The following GSG1L variants were observed in gnomAD, a reference collection of about 807,000 sequenced individuals.
The protein encoded by GSG1L is germ cell-specific gene 1-like protein.
A neutral mutation model predicts 42.1 loss-of-function variants in GSG1L; 24 were observed. The ratio of observed to expected loss-of-function variants is 0.57; its 90% CI spans 0.41 to 0.80. The LOEUF (loss-of-function observed/expected upper bound fraction) is 0.80. Ranked by LOEUF, GSG1L falls within the 30% of genes least tolerant of loss-of-function variation. GSG1L has a pLI of 0.00. For synonymous variants in GSG1L, 215 were observed against 203.5 expected (o/e 1.06, Z -0.48); for missense variants, 445 against 472.2 (o/e 0.94, Z 0.53).
At chr16:27,848,819 G>A (rs1302010226) in intron 3 of GSG1L, among the ~76,000 whole-genome samples, 1 of 152,032 alleles carries the variant, frequency 6.6e-6, no homozygotes. Flanking sequence ...AGAAGACTGG[G>A]GAAGAGCATT....
chr16:27,920,580 T>C (rs2084512599), intron 2 of GSG1L, among the ~76,000 whole-genome samples: 1 of 152,204 alleles, frequency 6.6e-6, no homozygotes, highest in African/African-American at 2.4e-5. Flanking sequence ...CATGTTTTGC[T>C]CAGGAAAATG....
chr16:27,981,749 C>T (rs1226266027), intron 1 of GSG1L, among the ~76,000 whole-genome samples: 3 of 152,260 alleles, frequency 2.0e-5, no homozygotes, highest in Admixed American at 6.5e-5. Flanking sequence ...TCCAGACATA[C>T]GTTGCTTGGG....
chr16:27,954,380 C>T (rs2084983652), intron 2 of GSG1L, among the ~76,000 whole-genome samples: 4 of 152,166 alleles, frequency 2.6e-5, no homozygotes, highest in South Asian at 2.1e-4. Context: ...GTTGACTACC[C>T]GCATGGAGGA....
intron 2 of GSG1L, among the ~76,000 whole-genome samples, chr16:27,950,805 G>A (rs1001536848): frequency 1.3e-5 from 2 of 152,120 alleles, no homozygotes; most frequent in African/African-American, 4.8e-5. Flanking sequence ...TGCACAGGCT[G>A]TTCATTCTAC....
intron 1 of GSG1L, among the ~76,000 whole-genome samples, chr16:28,037,700 A>G (rs2086056831): frequency 6.6e-6 from 1 of 152,260 alleles, no homozygotes; most frequent in South Asian, 2.1e-4. Flanking sequence ...TATCTTTACT[A>G]TGAGCCAATC....
At chr16:27,952,795 C>T (rs1033622148) in intron 2 of GSG1L, among the ~76,000 whole-genome samples, 6 of 152,222 alleles carry the variant, frequency 3.9e-5, no homozygotes, top group African/African-American at 1.4e-4. Context: ...ACAACACGCA[C>T]ACAGAAAACT....
At chr16:27,891,852 T>C (rs1228863952) in intron 2 of GSG1L, among the ~76,000 whole-genome samples, 2 of 151,510 alleles carry the variant, frequency 1.3e-5, no homozygotes, top group Admixed American at 6.6e-5. Context: ...TTTGGGGGAT[T>C]CTGTTTTCTG....
rs576863137 is a variant in GSG1L, at chr16:27,946,691, A to T, written c.397+16465T>A. Among the ~76,000 whole-genome samples the T allele has an allele frequency of 3.2e-4, 47 of 144,846 alleles. 1 individual carries two copies. The highest frequency in any genetic ancestry group is 4.8e-4 in the African/African-American group (19 of 39,328). On this transcript the variant is annotated intron_variant, in intron 2 of 6. Transcript: ENST00000447459. Reference sequence around the variant, plus strand: ...AAGAAAGAAAGAAAGAAAGAAAGAAAGAATTAAATGAAGCAAGGGGTATGA... The same window carrying T: ...AAGAAAGAAAGAAAGAAAGAAAGAATGAATTAAATGAAGCAAGGGGTATGA...
At chr16:27,890,130 TG>T (rs2084108054) in intron 2 of GSG1L, among the ~76,000 whole-genome samples, 1 of 152,128 alleles carries the variant, frequency 6.6e-6, no homozygotes. Flanking sequence ...GGTCTGGCTG[TG>T]GGGCGTAGGA....
chr16:27,798,427 A>G (rs1381373765), intron 6 of GSG1L, among the ~76,000 whole-genome samples: 1 of 152,170 alleles, frequency 6.6e-6, no homozygotes, highest in Admixed American at 6.5e-5. Flanking sequence ...TTCATGCAGA[A>G]AGAACAGGGT....
chr16:27,994,856 C>T (rs2085497389), intron 1 of GSG1L, among the ~76,000 whole-genome samples: 1 of 152,200 alleles, frequency 6.6e-6, no homozygotes, highest in South Asian at 2.1e-4. Flanking sequence ...GAGCACCATT[C>T]ACATTGTGGT....
chr16:27,979,078 G>T (rs12444844), intron 1 of GSG1L, among the ~76,000 whole-genome samples: 31,038 of 151,904 alleles, frequency 0.2, 3,362 homozygotes, highest in East Asian at 0.42. Context: ...TGATCTCAGG[G>T]AGTGGCTTCA....
chr16:27,941,240 G>A (rs931321914), intron 2 of GSG1L, among the ~76,000 whole-genome samples: 3 of 151,994 alleles, frequency 2.0e-5, no homozygotes, highest in African/African-American at 4.8e-5. Context: ...AAATATCTGC[G>A]AATCAGAGAT....
At chr16:27,812,175 C>T (rs549298697) in intron 5 of GSG1L, among the ~76,000 whole-genome samples, 1 of 152,334 alleles carries the variant, frequency 6.6e-6, no homozygotes, top group East Asian at 1.9e-4. Context: ...TCCAGTAACA[C>T]CTGCCGAGGA....
rs2084008590 is a variant in GSG1L, at chr16:27,884,770, T to C, written c.398-132A>G. ...TAGAACCTGGTTCTGGGGGAGGTCC[T>C]GATGGAAGCCTGTCATGGCCGTCCC... is the stretch of plus-strand genomic sequence containing the variant. On this transcript the variant is annotated intron_variant, in intron 2 of 6. Coordinates refer to ENST00000447459, the MANE Select transcript of GSG1L (RefSeq NM_001109763.2). This position sits in a 1 kb window ranked among gnomAD's most constrained non-coding sequence, Gnocchi z 4.4. 3.4e-6 allele frequency: 3 copies of C among 879,808 alleles called. No individual in the cohort carries two copies. The highest frequency in any genetic ancestry group is 5.9e-5 in the Admixed American group (2 of 33,848). 54.5% of individuals were successfully genotyped at this position (879,808 alleles called of 1,614,324 possible). A position where few individuals can be genotyped will look rare whatever the true frequency, so the allele number is the denominator to read the frequency against.
At chr16:28,051,507 AC>A (rs1162729323) in intron 1 of GSG1L, among the ~76,000 whole-genome samples, 1 of 142,818 alleles carries the variant, frequency 7.0e-6, no homozygotes, top group African/African-American at 2.5e-5. Flanking sequence ...GGGAAGTGTT[AC>A]GAAAAAAAAA....
chr16:27,890,947 G>A (rs1004064343), intron 2 of GSG1L, among the ~76,000 whole-genome samples: 11 of 152,126 alleles, frequency 7.2e-5, no homozygotes, highest in African/African-American at 1.9e-4. Context: ...CAGCCGGTGC[G>A]GTGCTCCCAG....
At chr16:27,961,926 C>T (rs568925050) in intron 2 of GSG1L, among the ~76,000 whole-genome samples, 51 of 152,186 alleles carry the variant, frequency 3.4e-4, no homozygotes, top group African/African-American at 1.1e-3. Flanking sequence ...TTGACTGGAG[C>T]GCTCCAAAAA....
chr16:28,008,533 C>T (rs947334229), intron 1 of GSG1L, among the ~76,000 whole-genome samples: 1 of 152,224 alleles, frequency 6.6e-6, no homozygotes, highest in Non-Finnish European at 1.5e-5. Context: ...ACCATTGCAG[C>T]AGCCTCCTCA....
Sources: gnomAD v4.1 joint callset for allele counts (sites outside exome capture counted in the v4.1 genomes callset) on GRCh38, gnomAD v4.1.1 for gene constraint, Gnocchi (gnomAD v3.1) non-coding constraint, MANE v1.5 for transcripts, NCBI Gene and HGNC (gene_info 2026-07-23, HGNC 2026-07-21) for gene names.